Variants in RAB27B observed in about 807,000 individuals in gnomAD.
RAB27B encodes RAB27B, member RAS oncogene family, also known as ras-related protein Rab-27B.
Under a neutral mutation model 24.6 loss-of-function variants are expected in RAB27B, and 15 were observed. The observed-to-expected ratio is 0.61, with a 90% CI of 0.41 to 0.94. The LOEUF (loss-of-function observed/expected upper bound fraction) is 0.94, where lower values mean the gene tolerates loss of function less well. RAB27B is among the 40% of genes least tolerant of loss of function. The pLI, the probability that RAB27B is intolerant of heterozygous loss-of-function variation, is 0.00. For synonymous variants in RAB27B, 105 were observed against 92.5 expected, an observed-to-expected ratio of 1.14 and a Z score of -0.78; for missense variants, 261 against 266.8, an observed-to-expected ratio of 0.98 and a Z score of 0.15.
At chr18:54,871,180 C>T (rs1912450061) in intron 1 of RAB27B, among the ~76,000 whole-genome samples, 1 of 152,128 alleles carries the variant, frequency 6.6e-6, no homozygotes, top group South Asian at 2.1e-4. Context: ...TAACTGCCTT[C>T]CTAATAGAAC....
At chr18:54,872,255 G>A (rs1912500714) in intron 1 of RAB27B, among the ~76,000 whole-genome samples, 1 of 152,144 alleles carries the variant, frequency 6.6e-6, no homozygotes. Context: ...CTTTTCTCAT[G>A]TTGTTTGAAA....
intron 1 of RAB27B, among the ~76,000 whole-genome samples, chr18:54,831,968 G>T (rs1910698180): frequency 6.6e-6 from 1 of 152,106 alleles, no homozygotes; most frequent in Non-Finnish European, 1.5e-5. Context: ...TTGAGACGGG[G>T]TTTCACCATG....
chr18:54,722,678 G>A (rs1909398514), intron 2 of RAB27B, among the ~76,000 whole-genome samples: 5 of 152,128 alleles, frequency 3.3e-5, no homozygotes, highest in Non-Finnish European at 7.3e-5. Context: ...AGATGCTTGG[G>A]GTTTTGTCAT....
chr18:54,856,279 C>T (rs757708377), intron 1 of RAB27B, among the ~76,000 whole-genome samples: 12 of 152,168 alleles, frequency 7.9e-5, no homozygotes, highest in Non-Finnish European at 1.5e-4. Flanking sequence ...GAGAGAACTG[C>T]AGTGCAAAGG....
chr18:54,779,378 T>C (rs1421050918), intron 2 of RAB27B, among the ~76,000 whole-genome samples: 1 of 152,028 alleles, frequency 6.6e-6, no homozygotes, highest in East Asian at 1.9e-4. Flanking sequence ...TTGGAAAAAA[T>C]ACGAAGTCAC....
At chr18:54,787,345 G>C (rs867599858) in intron 2 of RAB27B, among the ~76,000 whole-genome samples, 17 of 152,120 alleles carry the variant, frequency 1.1e-4, no homozygotes, top group African/African-American at 2.9e-4. Flanking sequence ...GGAACCACGT[G>C]GTCTAAAAGT....
chr18:54,877,706 A>G lies in RAB27B; in HGVS notation c.121A>G (p.Thr41Ala). Reference protein sequence around the residue: ...DNKFNPKFITTVGIDFREKRV... With the variant: ...DNKFNPKFITAVGIDFREKRV... ...TAAATTCAATCCCAAATTCATCACT[A>G]CAGTAGGAATAGACTTTCGGGAAAA... Residue 41 changes from threonine to alanine, a missense_variant, in exon 2 of 6, where the codon ACA becomes GCA. Thr to Ala is a moderately conservative substitution (Grantham distance 58). Coordinates refer to ENST00000262094, the MANE Select transcript of RAB27B (RefSeq NM_004163.4). 1 of 1,593,362 alleles carries G rather than the reference A, an allele frequency of 6.3e-7. No homozygotes were observed. Among genetic ancestry groups the G allele is most frequent in the South Asian group, 1.2e-5 (1 of 86,194 alleles).
At chr18:54,748,613 G>A (rs769875297) in intron 2 of RAB27B, among the ~76,000 whole-genome samples, 1 of 152,214 alleles carries the variant, frequency 6.6e-6, no homozygotes, top group Non-Finnish European at 1.5e-5. Flanking sequence ...ACCCAACCTG[G>A]GTTGAGGCAC....
chr18:54,865,239 G>T (rs1257475510), intron 1 of RAB27B, among the ~76,000 whole-genome samples: 1 of 57,310 alleles, frequency 1.7e-5, no homozygotes, highest in African/African-American at 5.8e-5. Flanking sequence ...ATGGCCTTTT[G>T]TGTGTGTGTG....
At chr18:54,782,763 A>G (rs1908955629) in intron 2 of RAB27B, among the ~76,000 whole-genome samples, 1 of 152,230 alleles carries the variant, frequency 6.6e-6, no homozygotes, top group Admixed American at 6.5e-5. Flanking sequence ...AAATCATGGT[A>G]ACAAATCAGT....
intron 2 of RAB27B, among the ~76,000 whole-genome samples, chr18:54,722,752 C>A (rs1909401056): frequency 6.6e-6 from 1 of 152,156 alleles, no homozygotes; most frequent in African/African-American, 2.4e-5. Context: ...TTCCCCCAAG[C>A]AACTGCTATA....
intron 1 of RAB27B, among the ~76,000 whole-genome samples, chr18:54,862,767 G>A (rs1598970814): frequency 1.3e-5 from 2 of 152,252 alleles, no homozygotes; most frequent in South Asian, 2.1e-4. Context: ...ATTGCTTGGC[G>A]GTGCCTGGAT....
At chr18:54,876,167 TA>T (rs1471928170) in intron 1 of RAB27B, among the ~76,000 whole-genome samples, 2 of 152,092 alleles carry the variant, frequency 1.3e-5, no homozygotes, top group African/African-American at 4.8e-5. Flanking sequence ...GAGCCCCTTA[TA>T]AAACCATCAG....
chr18:54,810,738 G>A (rs992443168), intron 2 of RAB27B, among the ~76,000 whole-genome samples: 26 of 151,904 alleles, frequency 1.7e-4, no homozygotes, highest in African/African-American at 6.1e-4. Flanking sequence ...GCTGAAGCAT[G>A]AGAATCACTT....
At chr18:54,886,796 T>A (rs1964989061) in intron 4 of RAB27B, among the ~76,000 whole-genome samples, 1 of 152,072 alleles carries the variant, frequency 6.6e-6, no homozygotes, top group South Asian at 2.1e-4. Flanking sequence ...TAATAACACT[T>A]TAATTTTTAA....
intron 1 of RAB27B, among the ~76,000 whole-genome samples, chr18:54,843,716 A>G (rs1343358173): frequency 6.6e-6 from 1 of 152,248 alleles, no homozygotes; most frequent in Non-Finnish European, 1.5e-5. Context: ...ACTTGATTCT[A>G]ACACTTTAAT....
intron 2 of RAB27B, among the ~76,000 whole-genome samples, chr18:54,750,924 G>A (rs1043233935): frequency 6.6e-6 from 1 of 152,206 alleles, no homozygotes; most frequent in African/African-American, 2.4e-5. Flanking sequence ...TGCAAAGCAT[G>A]TCGGAGAGGA....
rs146580569 is a variant in RAB27B at position 54,844,761 on chromosome 18, T to C, written c.-20+16061T>C. ...TCCCTGAGATACTGAGAATCTACTA[T>C]GTTGCAGCATCCTAAATAAATGAGC... On this transcript the variant is annotated intron_variant, in intron 1 of 5. Transcript: ENST00000262094. Among the ~76,000 whole-genome samples the C allele has an allele frequency of 2.6e-5, 4 of 152,302 alleles. No individual in the cohort carries two copies. The East Asian group carries it at 5.8e-4, about 22-fold the overall frequency.
At chr18:54,807,737 C>T (rs543971977) in intron 2 of RAB27B, among the ~76,000 whole-genome samples, 2 of 152,262 alleles carry the variant, frequency 1.3e-5, no homozygotes, top group African/African-American at 4.8e-5. Flanking sequence ...TTACTATGCC[C>T]TTGATCTACA....
Sources: allele counts gnomAD v4.1 joint callset (sites outside exome capture counted in the v4.1 genomes callset), GRCh38; gene constraint gnomAD v4.1.1; transcripts MANE v1.5; gene names NCBI Gene and HGNC (gene_info 2026-07-23, HGNC 2026-07-21).